Variants in SND1 observed in about 807,000 individuals in gnomAD.
The protein encoded by SND1 is staphylococcal nuclease and tudor domain containing 1.
Under a neutral mutation model 121.7 loss-of-function variants are expected in SND1, and 38 were observed. That is an observed-to-expected ratio of 0.31 (90% confidence interval 0.24 to 0.41). SND1 has a LOEUF of 0.41. Ranked by LOEUF, SND1 falls within the 10% of genes least tolerant of loss-of-function variation. SND1 has a pLI of 1.00. For missense variants in SND1, 868 were observed against 1,184.6 expected, an observed-to-expected ratio of 0.73 and a Z score of 3.92; for synonymous variants, 401 against 447.4, an observed-to-expected ratio of 0.90 and a Z score of 1.31.
At chr7:127,872,822 C>A (rs773771205) in intron 12 of SND1, among the ~76,000 whole-genome samples, 2 of 151,974 alleles carry the variant, frequency 1.3e-5, no homozygotes, top group African/African-American at 2.4e-5. Context: ...TTACTGTCTG[C>A]GATCGATTTT....
At chr7:127,749,544 T>C (rs1219487861) in intron 10 of SND1, among the ~76,000 whole-genome samples, 4 of 151,988 alleles carry the variant, frequency 2.6e-5, no homozygotes, top group Non-Finnish European at 2.9e-5. Flanking sequence ...TTAGACAGTG[T>C]ACATGGAAAG....
At chr7:127,902,141 C>G (rs1454898846) in intron 13 of SND1, among the ~76,000 whole-genome samples, 1 of 152,194 alleles carries the variant, frequency 6.6e-6, no homozygotes, top group Non-Finnish European at 1.5e-5. Context: ...AGGATCTTTG[C>G]TTTCTAACTT....
chr7:127,762,123 G>T (rs969631914), intron 10 of SND1, among the ~76,000 whole-genome samples: 3 of 152,164 alleles, frequency 2.0e-5, no homozygotes, highest in Non-Finnish European at 4.4e-5. Context: ...GCCACACCGA[G>T]CTTGATTTTA....
At chr7:127,778,178 CTTATTTAT>C (rs143038031) in intron 10 of SND1, among the ~76,000 whole-genome samples, 62 of 146,880 alleles carry the variant, frequency 4.2e-4, no homozygotes, top group Admixed American at 2.6e-3. Flanking sequence ...TTATTTGTGT[CTTATTTAT>C]TTATTTATTT....
intron 10 of SND1, among the ~76,000 whole-genome samples, chr7:127,760,158 T>C (rs1480000834): frequency 6.6e-6 from 1 of 152,218 alleles, no homozygotes; most frequent in African/African-American, 2.4e-5. Flanking sequence ...CTTAGTCCCT[T>C]CATGATTTGG....
chr7:127,789,106 A>G (rs1415947430), intron 10 of SND1, among the ~76,000 whole-genome samples: 1 of 152,216 alleles, frequency 6.6e-6, no homozygotes, highest in Admixed American at 6.5e-5. Context: ...GCTTAGGCAA[A>G]TATGTGTGCA....
chr7:128,074,889 T>C (rs745693677), intron 17 of SND1, among the ~76,000 whole-genome samples, 199 bp downstream of exon 17: 1 of 152,158 alleles, frequency 6.6e-6, no homozygotes, highest in Non-Finnish European at 1.5e-5. Context: ...CACAGCCTGT[T>C]GCAGACCTGA....
Position 127,781,159 on chromosome 7 carries a change from G to C in SND1, c.1153-26325G>C, listed in dbSNP as rs115265799. On this transcript the variant is annotated intron_variant, in intron 10 of 23. Transcript: ENST00000354725. The stretch of plus-strand genomic sequence containing the variant: ...TGCTTCAGGAGAAGGTAGGAACATG[G>C]AGAAGATTTTACAGTACATGGGAAG... 5.9e-3 allele frequency among the ~76,000 whole-genome samples: 892 copies of C among 152,294 alleles called. 16 individuals carry two copies. The highest frequency in any genetic ancestry group is 0.02 in the African/African-American group (851 of 41,554).
intron 10 of SND1, among the ~76,000 whole-genome samples, chr7:127,741,791 T>C (rs73723064): frequency 0.017 from 2,600 of 152,290 alleles, 94 homozygotes; most frequent in African/African-American, 0.059. Flanking sequence ...TATATGCTTA[T>C]TTAGTGTTCT....
At chr7:127,961,590 CT>C (rs964097211) in intron 15 of SND1, among the ~76,000 whole-genome samples, 2 of 152,216 alleles carry the variant, frequency 1.3e-5, no homozygotes, top group African/African-American at 2.4e-5. Flanking sequence ...TTAAATACTA[CT>C]TTTGCCATGT....
chr7:127,864,281 C>T (rs888358266), intron 12 of SND1, among the ~76,000 whole-genome samples: 1 of 148,586 alleles, frequency 6.7e-6, no homozygotes, highest in East Asian at 2.0e-4. Context: ...GAGGAAATGG[C>T]ATGTTTTGGA....
At chr7:127,935,867 A>G (rs1345972299) in intron 15 of SND1, among the ~76,000 whole-genome samples, 1 of 152,122 alleles carries the variant, frequency 6.6e-6, no homozygotes, top group Non-Finnish European at 1.5e-5. Context: ...GCAGTCCCTT[A>G]TGTGCTGCTC....
chr7:127,906,927 T>A (rs1359746532), intron 14 of SND1, among the ~76,000 whole-genome samples: 1 of 152,238 alleles, frequency 6.6e-6, no homozygotes, highest in East Asian at 1.9e-4. Flanking sequence ...TTTACTTTTG[T>A]TCCTACCCCA....
At chr7:127,953,198 GTGTGTGTGTGTGTGTGTGTGTGTA>G (rs150614775) in intron 15 of SND1, among the ~76,000 whole-genome samples, 4,891 of 118,692 alleles carry the variant, frequency 0.041, 218 homozygotes, top group Non-Finnish European at 0.058. Context: ...GTGTGTGTGT[GTGTGTGTGTGTGTGTGTGTGTGTA>G]TGTATGAAAA....
chr7:128,061,335 A>C (rs2117034417), intron 16 of SND1, among the ~76,000 whole-genome samples: 1 of 152,308 alleles, frequency 6.6e-6, no homozygotes, highest in East Asian at 1.9e-4. Flanking sequence ...ATCTCATTGC[A>C]GTGGCTTTGA....
intron 9 of SND1, among the ~76,000 whole-genome samples, chr7:127,715,698 CT>C (rs1350777469): frequency 1.3e-5 from 2 of 152,098 alleles, no homozygotes; most frequent in Non-Finnish European, 2.9e-5. Context: ...TTGCCTTTTA[CT>C]TTGTTACACA....
At chr7:128,032,131 G>A (rs1792635519) in intron 16 of SND1, 1 of 151,924 alleles carries the variant, frequency 6.6e-6, no homozygotes, top group Admixed American at 6.5e-5. Flanking sequence ...ACTGTTCTGG[G>A]AGAAGATTAG....
intron 10 of SND1, among the ~76,000 whole-genome samples, chr7:127,739,349 G>A (rs1382294857): frequency 6.6e-6 from 1 of 152,090 alleles, no homozygotes; most frequent in Non-Finnish European, 1.5e-5. Context: ...TCCTTTTACT[G>A]ATTAGTGAAA....
At chr7:127,679,341 T>C (rs1795668896) in intron 1 of SND1, 1 of 152,232 alleles carries the variant, frequency 6.6e-6, no homozygotes, top group South Asian at 2.1e-4. Flanking sequence ...GTTTTTCAGC[T>C]AGCATCTAAT....
Sources: allele counts gnomAD v4.1 joint callset (sites outside exome capture counted in the v4.1 genomes callset), GRCh38; gene constraint gnomAD v4.1.1; transcripts MANE v1.5; gene names NCBI Gene and HGNC (gene_info 2026-07-23, HGNC 2026-07-21).